Variants in TGFBR1 observed in about 807,000 individuals in gnomAD.
TGFBR1 encodes the protein transforming growth factor beta receptor 1, also known as TGF-beta receptor type-1.
Under a neutral mutation model 55.1 loss-of-function variants are expected in TGFBR1, and 20 were observed. That is an observed-to-expected ratio of 0.36 (90% confidence interval 0.26 to 0.53). The LOEUF is 0.53. Ranked by LOEUF, TGFBR1 falls within the 20% of genes least tolerant of loss-of-function variation. TGFBR1 has a pLI of 0.91. For missense variants in TGFBR1, 385 were observed against 617.6 expected (o/e 0.62, Z 3.99); for synonymous variants, 220 against 214.8 (o/e 1.02, Z -0.21).
intron 1 of TGFBR1, among the ~76,000 whole-genome samples, chr9:99,123,644 T>G (rs1826957042): frequency 6.6e-6 from 1 of 152,202 alleles, no homozygotes; most frequent in Admixed American, 6.6e-5. Context: ...GGTTTTCTTT[T>G]TAAAATTTTT....
intron 4 of TGFBR1, among the ~76,000 whole-genome samples, chr9:99,142,156 C>T (rs1233478092): frequency 6.6e-6 from 1 of 151,970 alleles, no homozygotes; most frequent in Non-Finnish European, 1.5e-5. Flanking sequence ...CTGTTCCTTC[C>T]TTTTTTTTAA....
In TGFBR1 at chr9:99,149,213, T is replaced by A. The variant is rs759805984; in HGVS notation, c.1420T>A (p.Cys474Ser). The A allele has an allele frequency of 6.2e-7, 1 of 1,613,504 alleles. No homozygotes were observed. The highest frequency in any genetic ancestry group is 1.7e-5 in the Admixed American group (1 of 59,948). ...LRVMAKIMRE[C>S]WYANGAARLT... Reference sequence around the variant, plus strand: ...AGTAATGGCTAAAATTATGAGAGAATGTTGGTATGCCAATGGAGCAGCTAG... The same window carrying A: ...AGTAATGGCTAAAATTATGAGAGAAAGTTGGTATGCCAATGGAGCAGCTAG... The change falls in exon 9 of 9, where the codon TGT (cysteine) becomes AGT (serine). Residue 474 changes from cysteine (C) to serine (S), a missense_variant. Coordinates refer to ENST00000374994, the MANE Select transcript of TGFBR1 (RefSeq NM_004612.4).
chr9:99,120,679 T>C (rs531708454), intron 1 of TGFBR1, among the ~76,000 whole-genome samples: 3 of 152,338 alleles, frequency 2.0e-5, no homozygotes, highest in African/African-American at 7.2e-5. Context: ...TTTTCAATCA[T>C]AAAATACTGT....
chr9:99,111,294 G>GTTTT (rs1826564981), intron 1 of TGFBR1, among the ~76,000 whole-genome samples: 1 of 81,604 alleles, frequency 1.2e-5, no homozygotes, highest in African/African-American at 5.3e-5. Context: ...CTGCACCCAT[G>GTTTT]CTTTTTTTTT....
At chr9:99,146,648 C>T in intron 7 of TGFBR1, 39 bp downstream of exon 7, 1 of 1,613,336 alleles carries the variant, frequency 6.2e-7, no homozygotes, top group Non-Finnish European at 8.5e-7. Context: ...TTGTCATGAG[C>T]AGAAGTTGTT....
At position 99,151,901 on chromosome 9, in the gene TGFBR1, A is replaced by G. The variant is rs1246578099; in HGVS notation, c.*2596A>G. ...CACAGTTGTTTATACTGCCCATCCTAGGATGCTCACCTTCCAAGATTCAAC... is the reference window on the plus strand; with the variant it reads ...CACAGTTGTTTATACTGCCCATCCTGGGATGCTCACCTTCCAAGATTCAAC... On this transcript the variant is annotated 3_prime_UTR_variant, in exon 9 of 9. Coordinates refer to ENST00000374994, the MANE Select transcript of TGFBR1 (RefSeq NM_004612.4). 20 of 204,242 alleles carry G rather than the reference A, an allele frequency of 9.8e-5. No homozygotes were observed. The East Asian group carries it at 1.4e-3, about 15-fold the overall frequency. 12.7% of individuals were successfully genotyped at this position (204,242 alleles called of 1,614,324 possible). A position where few individuals can be genotyped will look rare whatever the true frequency, so the allele number is the denominator to read the frequency against.
chr9:99,122,158 G>T (rs1201856957), intron 1 of TGFBR1, among the ~76,000 whole-genome samples: 7 of 152,098 alleles, frequency 4.6e-5, no homozygotes, highest in Non-Finnish European at 1.0e-4. Context: ...GTGATAGAAG[G>T]CTGGAGAGGG....
At position 99,153,214 on chromosome 9, in the gene TGFBR1, G is replaced by A. The variant is rs1460704637; in HGVS notation, c.*3909G>A. ...ACATTTACCTCATTGTGTATATAAT[G>A]TTTAATATTTGTCAGAGCATTCTCC... On this transcript the variant is annotated 3_prime_UTR_variant, in exon 9 of 9. Coordinates refer to ENST00000374994, the MANE Select transcript of TGFBR1 (RefSeq NM_004612.4). 1 of 223,570 alleles carries A rather than the reference G, an allele frequency of 4.5e-6. No individual in the cohort carries two copies. The highest frequency in any genetic ancestry group is 8.9e-6 in the Non-Finnish European group (1 of 111,792). The allele number at this position is 223,570 out of a possible 1,614,324, so 13.8% of individuals were successfully genotyped here. A position where few individuals can be genotyped will look rare whatever the true frequency, so the allele number is the denominator to read the frequency against.
In TGFBR1 at chr9:99,105,293, G is replaced by C. The variant is rs1826374374; in HGVS notation, c.88G>C (p.Gly30Arg). 2.0e-6 allele frequency: 2 copies of C among 991,732 alleles called. No individual in the cohort carries two copies. The highest frequency in any genetic ancestry group is 2.4e-6 in the Non-Finnish European group (2 of 836,150). The allele number at this position is 991,732 out of a possible 1,614,324, so 61.4% of individuals were successfully genotyped here. Reference protein sequence around the residue: ...AAAAAAALLPGATALQCFCHL... With the variant: ...AAAAAAALLPRATALQCFCHL... ...GGCGGCGGCGGCGGCGCTGCTCCCGGGGGCGACGGGTGAGCGGCGGCGCGG... is the reference window on the plus strand; with the variant it reads ...GGCGGCGGCGGCGGCGCTGCTCCCGCGGGCGACGGGTGAGCGGCGGCGCGG... The change falls in exon 1 of 9, where the codon GGG (glycine) becomes CGG (arginine). Residue 30 changes from glycine to arginine, a missense_variant. Gly to Arg is a moderately radical substitution (Grantham distance 125, BLOSUM62 -2). Coordinates refer to ENST00000374994, the MANE Select transcript of TGFBR1 (RefSeq NM_004612.4).
intron 1 of TGFBR1, among the ~76,000 whole-genome samples, chr9:99,117,478 T>A (rs1277268966): frequency 1.3e-5 from 2 of 152,210 alleles, no homozygotes; most frequent in African/African-American, 4.8e-5. Flanking sequence ...TCCTGTGTTT[T>A]CATTTAAAAG....
At chr9:99,116,452 T>C (rs1170278067) in intron 1 of TGFBR1, among the ~76,000 whole-genome samples, 1 of 152,224 alleles carries the variant, frequency 6.6e-6, no homozygotes, top group African/African-American at 2.4e-5. Context: ...TAGCTTAGTC[T>C]CTGTAACTGG....
chr9:99,132,204 T>G (rs1827251677), intron 2 of TGFBR1, among the ~76,000 whole-genome samples: 1 of 152,202 alleles, frequency 6.6e-6, no homozygotes, highest in Non-Finnish European at 1.5e-5. Flanking sequence ...TTGGTATTAG[T>G]GACCTGATGT....
intron 6 of TGFBR1, chr9:99,146,035 C>A: frequency 3.8e-6 from 1 of 259,806 alleles, no homozygotes; most frequent in Non-Finnish European, 7.4e-6. Flanking sequence ...GGGTCCTGAC[C>A]CATAATTTTG....
intron 3 of TGFBR1, among the ~76,000 whole-genome samples, chr9:99,137,364 C>A (rs188404292): frequency 6.6e-6 from 1 of 152,144 alleles, no homozygotes; most frequent in South Asian, 2.1e-4. Context: ...AGCCATGGCC[C>A]TTTTTCTCAG....
chr9:99,143,450 C>T (rs1827690979), intron 5 of TGFBR1, among the ~76,000 whole-genome samples: 1 of 152,138 alleles, frequency 6.6e-6, no homozygotes. Flanking sequence ...AAATTAAATA[C>T]TAAGTTTTAG....
At chr9:99,130,889 T>C (rs1406382483) in intron 2 of TGFBR1, among the ~76,000 whole-genome samples, 1 of 152,208 alleles carries the variant, frequency 6.6e-6, no homozygotes, top group East Asian at 1.9e-4. Flanking sequence ...TTTTTAAAAA[T>C]GCACTATTGA....
intron 1 of TGFBR1, among the ~76,000 whole-genome samples, chr9:99,125,574 T>G (rs777390928): frequency 3.9e-5 from 6 of 152,224 alleles, no homozygotes; most frequent in Non-Finnish European, 7.3e-5. Context: ...TATTGCCATA[T>G]GGTCGATTCA....
Position 99,134,802 on chromosome 9 carries a change from T to TTTTATATATATA in TGFBR1, c.574+2064_574+2065insTTATATATATAT, listed in dbSNP as rs1554700023. ...AAACAATGGAATAATTCTGTTTCCA[T>TTTTATATATATA]TATATATATATATATATATATATAT... On this transcript the variant is annotated intron_variant, in intron 3 of 8. Transcript: ENST00000374994. 5.1e-3 allele frequency among the ~76,000 whole-genome samples: 209 copies of TTTTATATATATA among 41,352 alleles called. 18 individuals are homozygous for TTTTATATATATA. Among genetic ancestry groups the TTTTATATATATA allele is most frequent in the Middle Eastern group, 0.032 (2 of 62 alleles). The allele number at this position is 41,352 out of a possible 152,430, so 27.1% of individuals were successfully genotyped here. A position where few individuals can be genotyped will look rare whatever the true frequency, so the allele number is the denominator to read the frequency against.
At chr9:99,117,206 G>C (rs1038507173) in intron 1 of TGFBR1, among the ~76,000 whole-genome samples, 1 of 149,754 alleles carries the variant, frequency 6.7e-6, no homozygotes, top group Non-Finnish European at 1.5e-5. Flanking sequence ...TCCTGTCTCA[G>C]CCTCCCGTGT....
Sources: allele counts gnomAD v4.1 joint callset (sites outside exome capture counted in the v4.1 genomes callset), GRCh38; gene constraint gnomAD v4.1.1; transcripts MANE v1.5; gene names NCBI Gene and HGNC (gene_info 2026-07-23, HGNC 2026-07-21).